VAPA: variants seen among roughly 807,000 people sequenced by gnomAD.
The protein encoded by VAPA is vesicle-associated membrane protein-associated protein A.
A neutral mutation model predicts 25.6 loss-of-function variants in VAPA; 6 were observed. The observed-to-expected ratio is 0.23, with a 90% CI of 0.13 to 0.46. VAPA has a LOEUF of 0.46. VAPA is among the 20% of genes least tolerant of loss of function. The pLI is 0.99. For synonymous variants in VAPA, 112 were observed against 106.2 expected, an observed-to-expected ratio of 1.05 and a Z score of -0.34; for missense variants, 244 against 302.1, an observed-to-expected ratio of 0.81 and a Z score of 1.43.
chr18:9,920,448 G>T lies in VAPA; in HGVS notation c.79+6113G>T, dbSNP rs371843014. 1.6e-3 allele frequency among the ~76,000 whole-genome samples: 250 copies of T among 152,198 alleles called. 1 individual carries two copies. Among genetic ancestry groups the T allele is most frequent in the African/African-American group, 5.6e-3 (234 of 41,514 alleles). On this transcript the variant is annotated intron_variant, in intron 1 of 5. Transcript: ENST00000400000. ...CTCCCAAGTAGCTGGGATTACAGGC[G>T]TGCACCACCATGCCTGGCTAATTTT...
chr18:9,927,957 G>C (rs1001872435), intron 1 of VAPA, among the ~76,000 whole-genome samples: 2 of 152,056 alleles, frequency 1.3e-5, no homozygotes, highest in Non-Finnish European at 2.9e-5. Flanking sequence ...TTTAATTGTA[G>C]ATTTTTTTCA....
chr18:9,937,979 A>G (rs1382993456), intron 4 of VAPA, among the ~76,000 whole-genome samples: 2 of 152,204 alleles, frequency 1.3e-5, no homozygotes, highest in Admixed American at 6.5e-5. Context: ...TTGAATTTTT[A>G]AAATGCCTCT....
intron 4 of VAPA, among the ~76,000 whole-genome samples, chr18:9,945,242 T>TA (rs991724357): frequency 5.9e-5 from 9 of 151,502 alleles, no homozygotes; most frequent in African/African-American, 9.7e-5. Context: ...TATTCTGTTC[T>TA]AAAAAACTTC....
intron 1 of VAPA, among the ~76,000 whole-genome samples, chr18:9,917,393 C>T (rs1417390529): frequency 6.6e-6 from 1 of 152,168 alleles, no homozygotes; most frequent in African/African-American, 2.4e-5. Flanking sequence ...CGGGTTCAAG[C>T]AATTCTCCTG....
rs188047906 is a variant in VAPA, at chr18:9,955,620, T to C, written c.*1409T>C. 6.2e-4 allele frequency: 95 copies of C among 152,320 alleles called. 1 individual carries two copies. The highest frequency in any genetic ancestry group is 2.2e-3 in the African/African-American group (90 of 41,580). The allele number at this position is 152,320 out of a possible 1,614,324, so 9.4% of individuals were successfully genotyped here. On this transcript the variant is annotated 3_prime_UTR_variant, in exon 6 of 6. Transcript: ENST00000400000. ...AATTGGATTTTAGAACTGGATGTGG[T>C]GCAGTGAAGTATTTTAGGCCCAGGT... is the stretch of plus-strand genomic sequence containing the variant.
chr18:9,950,322 T>C (rs942697105), intron 4 of VAPA, 73 bp from the exon 5 acceptor site: 5 of 1,501,674 alleles, frequency 3.3e-6, no homozygotes, highest in Non-Finnish European at 2.7e-6. Context: ...ATGTAGAATT[T>C]ATATTGTTAT....
chr18:9,954,190 T>C lies in VAPA; in HGVS notation c.729T>C (p.Phe243=). Reference sequence around the variant, plus strand: ...TTGCAGCCATTTTCATTGGATTCTTTCTAGGGAAATTCATCTTGTAGAGTG... The same window carrying C: ...TTGCAGCCATTTTCATTGGATTCTTCCTAGGGAAATTCATCTTGTAGAGTG... ...VVIAAIFIGF[F]LGKFIL The change falls in exon 6 of 6, where the codon TTT becomes TTC. Residue 243 remains phenylalanine, a synonymous_variant. Transcript: ENST00000400000. The C allele has an allele frequency of 6.2e-7, 1 of 1,613,732 alleles. No individual in the cohort carries two copies.
intron 1 of VAPA, 73 bp downstream of exon 1, chr18:9,914,408 G>A (rs1477551633): frequency 2.8e-5 from 39 of 1,383,866 alleles, no homozygotes; most frequent in African/African-American, 1.7e-4. Flanking sequence ...GGGGCGCGGA[G>A]GGCACGTCCG....
chr18:9,924,659 A>G (rs995484952), intron 1 of VAPA, among the ~76,000 whole-genome samples: 4 of 152,162 alleles, frequency 2.6e-5, no homozygotes, highest in Non-Finnish European at 5.9e-5. Context: ...TTAAGATTGA[A>G]TTATCTCCCA....
At chr18:9,951,870 G>A (rs1227639255) in intron 5 of VAPA, among the ~76,000 whole-genome samples, 1 of 152,204 alleles carries the variant, frequency 6.6e-6, no homozygotes, top group Non-Finnish European at 1.5e-5. Flanking sequence ...CTTCATGCTT[G>A]ATGTTTCATA....
chr18:9,954,282 ATTTC>A lies in VAPA; in HGVS notation c.*72_*75del. 3 of 1,419,958 alleles carry A rather than the reference ATTTC, an allele frequency of 2.1e-6. No homozygotes were observed. The highest frequency in any genetic ancestry group is 1.3e-5 in the South Asian group (1 of 76,550). 88.0% of individuals were successfully genotyped at this position (1,419,958 alleles called of 1,614,324 possible). A position where few individuals can be genotyped will look rare whatever the true frequency, so the allele number is the denominator to read the frequency against. ...CCAGAAAAAGATTTGTTTACCTACC[ATTTC>A]ATTGGTAGTATGGCCCACGGTGACC... On this transcript the variant is annotated 3_prime_UTR_variant, in exon 6 of 6. Transcript: ENST00000400000.
At chr18:9,921,817 G>GT (rs2069158878) in intron 1 of VAPA, among the ~76,000 whole-genome samples, 1 of 152,112 alleles carries the variant, frequency 6.6e-6, no homozygotes, top group Admixed American at 6.5e-5. Flanking sequence ...ACTCAAATTA[G>GT]TTTTAAATTA....
intron 3 of VAPA, chr18:9,936,560 A>G (rs983602237): frequency 1.0e-5 from 2 of 199,428 alleles, no homozygotes; most frequent in South Asian, 1.5e-4. Context: ...ACAAACAAAC[A>G]AACAAACAAA....
chr18:9,943,357 T>C (rs1378431125), intron 4 of VAPA, among the ~76,000 whole-genome samples: 1 of 152,182 alleles, frequency 6.6e-6, no homozygotes, highest in East Asian at 1.9e-4. Context: ...AAAGACTCAA[T>C]ATTTTTTCCT....
chr18:9,947,740 C>G (rs1599116341), intron 4 of VAPA: 2 of 152,224 alleles, frequency 1.3e-5, no homozygotes, highest in Admixed American at 1.3e-4. Flanking sequence ...AAGAAACAAG[C>G]TGTTTTATTG....
At chr18:9,936,307 A>T in intron 3 of VAPA, 94 bp downstream of exon 3, 9 of 776,400 alleles carry the variant, frequency 1.2e-5, no homozygotes, top group Non-Finnish European at 1.7e-5. Flanking sequence ...CTAAAAACTA[A>T]AAGTTAAATT....
chr18:9,929,034 T>C (rs970680448), intron 1 of VAPA, among the ~76,000 whole-genome samples: 5 of 152,180 alleles, frequency 3.3e-5, no homozygotes, highest in Non-Finnish European at 5.9e-5. Context: ...TGCTGACTAA[T>C]TCAGATGTGT....
intron 3 of VAPA, 41 bp downstream of exon 3, chr18:9,936,254 A>G (rs1567896981): frequency 7.5e-7 from 1 of 1,338,732 alleles, no homozygotes; most frequent in Non-Finnish European, 1.0e-6. Context: ...AGTGGAGTTT[A>G]AACTGTGGGT....
intron 4 of VAPA, among the ~76,000 whole-genome samples, chr18:9,946,669 T>C (rs2069427423): frequency 6.6e-6 from 1 of 152,060 alleles, no homozygotes; most frequent in African/African-American, 2.4e-5. Flanking sequence ...TTACTGTGAA[T>C]GGATCTTGCA....
Sources: allele counts gnomAD v4.1 joint callset (sites outside exome capture counted in the v4.1 genomes callset), GRCh38; gene constraint gnomAD v4.1.1; transcripts MANE v1.5; gene names NCBI Gene and HGNC (gene_info 2026-07-23, HGNC 2026-07-21).